ZNF775: variants seen among roughly 807,000 people sequenced by gnomAD.
ZNF775 encodes zinc finger protein 775.
In ZNF775, 1 loss-of-function variant was observed where a neutral mutation model predicts 2.4. That is an observed-to-expected ratio of 0.41 (90% CI 0.15 to 1.94). The LOEUF (loss-of-function observed/expected upper bound fraction) is 1.94. ZNF775 is among the 30% of genes most tolerant of loss of function. The pLI is 0.30. For synonymous variants in ZNF775, 381 were observed against 373.3 expected (o/e 1.02, Z -0.24); for missense variants, 823 against 826.6 (o/e 1.00, Z 0.05).
chr7:150,388,561 C>T, intron 2 of ZNF775, 60 bp downstream of exon 2: 3 of 1,544,198 alleles, frequency 1.9e-6, no homozygotes, highest in East Asian at 4.9e-5. Flanking sequence ...GTCACGTGCC[C>T]TTATCTTTTC....
At chr7:150,380,863 C>T (rs182609818) in intron 1 of ZNF775, among the ~76,000 whole-genome samples, 42 of 152,318 alleles carry the variant, frequency 2.8e-4, no homozygotes, top group Admixed American at 2.6e-3. Context: ...TTCTCAGGAC[C>T]AGCTAGGTGC....
intron 1 of ZNF775, among the ~76,000 whole-genome samples, chr7:150,381,712 TG>T (rs1020458874): frequency 2.6e-5 from 4 of 152,214 alleles, no homozygotes; most frequent in African/African-American, 9.7e-5. Context: ...AGTCCCTGTC[TG>T]GGGCCTCTCA....
At chr7:150,390,381 G>T (rs1800542215) in intron 2 of ZNF775, among the ~76,000 whole-genome samples, 1 of 152,192 alleles carries the variant, frequency 6.6e-6, no homozygotes, top group South Asian at 2.1e-4. Context: ...GCATCCTGGG[G>T]CTCTCTGGCC....
chr7:150,392,722 A>T (rs1251163506), intron 2 of ZNF775, among the ~76,000 whole-genome samples: 1 of 152,100 alleles, frequency 6.6e-6, no homozygotes, highest in South Asian at 2.1e-4. Context: ...TTTTATACAG[A>T]CAGGTGTTGC....
intron 1 of ZNF775, among the ~76,000 whole-genome samples, chr7:150,388,001 G>A (rs1286102217): frequency 6.6e-6 from 1 of 151,980 alleles, no homozygotes; most frequent in East Asian, 1.9e-4. Context: ...CTGCCTTCCG[G>A]GTGCATTCCT....
Position 150,396,861 on chromosome 7 carries a change from G to A in ZNF775, c.380G>A (p.Arg127His), listed in dbSNP as rs779991517. The change falls in exon 3 of 3, where the codon CGC (arginine) becomes CAC (histidine). Residue 127 changes from arginine to histidine, a missense_variant. Physicochemically the swap from Arg to His is conservative, Grantham distance 29 (BLOSUM62 0). Coordinates refer to ENST00000329630, the MANE Select transcript of ZNF775 (RefSeq NM_173680.4). ...TGGTCGTCCCTGAAGATCCACCAGC[G>A]CACCCACACCGGGGAGAAGCCGTAC... is the stretch of plus-strand genomic sequence containing the variant. Reference protein sequence around the residue: ...SWWSSLKIHQRTHTGEKPYLC... With the variant: ...SWWSSLKIHQHTHTGEKPYLC... 10 of 1,602,414 alleles carry A rather than the reference G, an allele frequency of 6.2e-6. No homozygotes were observed. In the South Asian group the frequency reaches 7.7e-5, roughly 12 times the overall value.
At chr7:150,391,673 T>A (rs184561106) in intron 2 of ZNF775, among the ~76,000 whole-genome samples, 2 of 150,452 alleles carry the variant, frequency 1.3e-5, no homozygotes, top group Non-Finnish European at 1.5e-5. Context: ...GGGAAAATGC[T>A]GCTCTAAATT....
chr7:150,394,109 T>C (rs1356123340), intron 2 of ZNF775, among the ~76,000 whole-genome samples: 1 of 152,252 alleles, frequency 6.6e-6, no homozygotes, highest in Non-Finnish European at 1.5e-5. Context: ...TAAATAGGAT[T>C]ACACTGAATT....
intron 2 of ZNF775, among the ~76,000 whole-genome samples, chr7:150,395,997 T>C (rs1333105668): frequency 1.3e-5 from 2 of 152,142 alleles, no homozygotes. Flanking sequence ...CAGGGGTTGG[T>C]CTCCCTGACC....
rs1215144246 is a variant in ZNF775 at position 150,398,055 on chromosome 7, G to A, written c.1574G>A (p.Arg525His). The A allele has an allele frequency of 2.6e-6, 4 of 1,566,530 alleles. No homozygotes were observed. Among genetic ancestry groups the A allele is most frequent in the South Asian group, 2.3e-5 (2 of 87,334 alleles). Residue 525 changes from arginine (R) to histidine (H), a missense_variant, in exon 3 of 3, where the codon CGC becomes CAC. Coordinates refer to ENST00000329630, the MANE Select transcript of ZNF775 (RefSeq NM_173680.4). ...QHLLKHQRVH[R>H]AAPACSPKEE... is the part of the protein sequence containing the mutation. ...CTGCTCAAGCACCAGCGCGTGCACC[G>A]CGCGGCCCCTGCGTGCAGCCCCAAG...
chr7:150,383,328 A>G (rs1800395500), intron 1 of ZNF775, among the ~76,000 whole-genome samples: 1 of 152,180 alleles, frequency 6.6e-6, no homozygotes, highest in South Asian at 2.1e-4. Context: ...TGGGTCCTCC[A>G]TTGTTTCATT....
At chr7:150,392,849 A>C (rs1363710386) in intron 2 of ZNF775, among the ~76,000 whole-genome samples, 1 of 152,214 alleles carries the variant, frequency 6.6e-6, no homozygotes, top group Non-Finnish European at 1.5e-5. Context: ...TTTATCTTTT[A>C]GAGCAATTTT....
rs1800376276 is a variant in ZNF775, at chr7:150,382,193, G to A, written c.-50+2801G>A. ...TGGAGGCTCCTGTGTGGCGCTGGGG[G>A]CCTCTGAGATTCCCAACTGGCTGGA... On this transcript the variant is annotated intron_variant, in intron 1 of 2. Transcript: ENST00000329630. The surrounding 1 kb of genome is among the most constrained non-coding windows in gnomAD (Gnocchi z 4.6). Among the ~76,000 whole-genome samples the A allele has an allele frequency of 1.3e-5, 2 of 152,164 alleles. No individual in the cohort carries two copies. Among genetic ancestry groups the A allele is most frequent in the Admixed American group, 6.5e-5 (1 of 15,280 alleles).
rs765764350 is a variant in ZNF775, at chr7:150,396,634, C to T, written c.153C>T (p.Leu51=). 1.1e-5 allele frequency: 18 copies of T among 1,611,350 alleles called. No homozygotes were observed. The African/African-American group carries it at 1.6e-4, about 14-fold the overall frequency. ...ACATATTTCAGCAGCACCGGGGCCTCCCGCCACGCCAGACCATGGGGCGGC... is the reference window on the plus strand; with the variant it reads ...ACATATTTCAGCAGCACCGGGGCCTTCCGCCACGCCAGACCATGGGGCGGC... The part of the protein sequence containing the change: ...KENIFQQHRG[L]PPRQTMGRPR... The change falls in exon 3 of 3, where the codon CTC becomes CTT. Residue 51 remains leucine (L), a synonymous_variant. Transcript: ENST00000329630.
Position 150,382,110 on chromosome 7 carries a change from G to A in ZNF775, c.-50+2718G>A, listed in dbSNP as rs894681792. On this transcript the variant is annotated intron_variant, in intron 1 of 2. Coordinates refer to ENST00000329630, the MANE Select transcript of ZNF775 (RefSeq NM_173680.4). The surrounding 1 kb of genome is among the most constrained non-coding windows in gnomAD (Gnocchi z 4.6). ...ACCACCCTGGTAAGTGGAGGGCTCT[G>A]CAGACAGTGCCACAACCAGAGCCGT... Among the ~76,000 whole-genome samples, 1 of 152,106 alleles carries A rather than the reference G, an allele frequency of 6.6e-6. No homozygotes were observed. Among genetic ancestry groups the A allele is most frequent in the African/African-American group, 2.4e-5 (1 of 41,398 alleles).
intron 2 of ZNF775, among the ~76,000 whole-genome samples, chr7:150,389,057 C>T (rs1316988354): frequency 1.3e-5 from 2 of 152,246 alleles, no homozygotes; most frequent in Admixed American, 6.5e-5. Context: ...AGCGTCCCTG[C>T]GCCTGGAGTG....
At chr7:150,396,111 C>G (rs561959335) in intron 2 of ZNF775, among the ~76,000 whole-genome samples, 1 of 152,314 alleles carries the variant, frequency 6.6e-6, no homozygotes, top group South Asian at 2.1e-4. Context: ...TCCTTGCCCC[C>G]TGGGTCAGCA....
rs551386159 is a variant in ZNF775, at chr7:150,384,907, G to A, written c.-49-3515G>A. On this transcript the variant is annotated intron_variant, in intron 1 of 2. Coordinates refer to ENST00000329630, the MANE Select transcript of ZNF775 (RefSeq NM_173680.4). This position sits in a 1 kb window ranked among gnomAD's most constrained non-coding sequence, Gnocchi z 4.1. ...GGACTGTCTTTGATTTGCCTTGGGGGTCTCGCTCTGTGGAGACCCAGGCCC... is the reference window on the plus strand; with the variant it reads ...GGACTGTCTTTGATTTGCCTTGGGGATCTCGCTCTGTGGAGACCCAGGCCC... 6.6e-6 allele frequency among the ~76,000 whole-genome samples: 1 copy of A among 152,178 alleles called. No individual in the cohort carries two copies. Among genetic ancestry groups the A allele is most frequent in the Non-Finnish European group, 1.5e-5 (1 of 68,022 alleles).
At position 150,397,788 on chromosome 7, in the gene ZNF775, G is replaced by T. The variant is rs1376950145; in HGVS notation, c.1307G>T (p.Gly436Val). 1 of 1,550,556 alleles carries T rather than the reference G, an allele frequency of 6.4e-7. No individual in the cohort carries two copies. The highest frequency in any genetic ancestry group is 8.7e-7 in the Non-Finnish European group (1 of 1,153,348). The change falls in exon 3 of 3, where the codon GGC becomes GTC. Residue 436 changes from glycine (G) to valine (V), a missense_variant. Coordinates refer to ENST00000329630, the MANE Select transcript of ZNF775 (RefSeq NM_173680.4). ...RDTLWGRGQAGLAGPGEPRQF... is the reference protein window; with the variant it reads ...RDTLWGRGQAVLAGPGEPRQF... ...ACGCTGTGGGGCCGGGGACAAGCGG[G>T]CCTCGCTGGGCCTGGCGAGCCGCGC...
Sources: allele counts gnomAD v4.1 joint callset (sites outside exome capture counted in the v4.1 genomes callset), GRCh38; gene constraint gnomAD v4.1.1; non-coding constraint Gnocchi (gnomAD v3.1); transcripts MANE v1.5; gene names NCBI Gene and HGNC (gene_info 2026-07-23, HGNC 2026-07-21).